The following ZNF385D variants were observed in gnomAD, a reference collection of about 807,000 sequenced individuals.
ZNF385D encodes zinc finger protein 659.
A neutral mutation model predicts 35.8 loss-of-function variants in ZNF385D; 15 were observed. That is an observed-to-expected ratio of 0.42 (90% CI 0.28 to 0.64). The LOEUF is 0.64. ZNF385D is among the 30% of genes least tolerant of loss of function. The pLI, the probability that ZNF385D is intolerant of heterozygous loss-of-function variation, is 0.23. For synonymous variants in ZNF385D, 212 were observed against 186.8 expected (o/e 1.13, Z -1.10); for missense variants, 474 against 494.6 (o/e 0.96, Z 0.39).
At chr3:22,346,001 T>G (rs1695642105) in intron 2 of ZNF385D, among the ~76,000 whole-genome samples, 1 of 152,184 alleles carries the variant, frequency 6.6e-6, no homozygotes, top group Non-Finnish European at 1.5e-5. Context: ...CCCTTCTATA[T>G]GTGTTGATCC....
intron 2 of ZNF385D, among the ~76,000 whole-genome samples, chr3:22,371,609 A>G (rs902746017): frequency 1.3e-5 from 2 of 152,214 alleles, no homozygotes; most frequent in African/African-American, 2.4e-5. Flanking sequence ...GGGTGACACC[A>G]TTTTGGAGGC....
intron 3 of ZNF385D, among the ~76,000 whole-genome samples, chr3:21,997,616 AGAG>A (rs1243477562): frequency 1.3e-5 from 2 of 151,844 alleles, no homozygotes; most frequent in African/African-American, 4.8e-5. Flanking sequence ...AAAGAGAGAG[AGAG>A]TGTAAGTGTT....
intron 1 of ZNF385D, among the ~76,000 whole-genome samples, chr3:21,708,137 T>G (rs1290525282): frequency 2.6e-5 from 4 of 152,158 alleles, no homozygotes; most frequent in Non-Finnish European, 5.9e-5. Context: ...AGGTCAAAGA[T>G]CCTAAGCATC....
At chr3:22,036,928 G>A (rs1698363010) in intron 3 of ZNF385D, among the ~76,000 whole-genome samples, 2 of 135,760 alleles carry the variant, frequency 1.5e-5, no homozygotes, top group Admixed American at 1.8e-4. Flanking sequence ...TGTTCTCATT[G>A]TTCAATTCCC....
chr3:22,369,494 T>C lies in ZNF385D; in HGVS notation c.106+2956A>G, dbSNP rs540521718. On this transcript the variant is annotated intron_variant, in intron 2 of 5. Transcript: ENST00000494108. ...ACTGCCAAAAAATAAAACAACTCTC[T>C]AGGCAAGTTATTATGAGACATGTAG... Among the ~76,000 whole-genome samples, 3 of 152,152 alleles carry C rather than the reference T, an allele frequency of 2.0e-5. 1 individual carries two copies. In the South Asian group the frequency reaches 6.2e-4, roughly 32 times the overall value.
intron 3 of ZNF385D, among the ~76,000 whole-genome samples, chr3:21,868,912 T>C (rs773848445): frequency 7.2e-4 from 110 of 152,076 alleles, no homozygotes; most frequent in Non-Finnish European, 1.2e-3. Flanking sequence ...AATTAGACCC[T>C]ATTTTCAGAG....
At chr3:21,950,224 T>C (rs1701999727) in intron 3 of ZNF385D, among the ~76,000 whole-genome samples, 1 of 151,814 alleles carries the variant, frequency 6.6e-6, no homozygotes, top group South Asian at 2.1e-4. Flanking sequence ...ATCTGTTGTT[T>C]CCTGACTTTT....
At chr3:22,230,529 C>A (rs976155687) in intron 2 of ZNF385D, among the ~76,000 whole-genome samples, 3 of 152,142 alleles carry the variant, frequency 2.0e-5, no homozygotes, top group African/African-American at 7.2e-5. Context: ...TCCCTCTATT[C>A]CAACTAGCCC....
At chr3:22,022,627 C>T (rs1359542748) in intron 3 of ZNF385D, among the ~76,000 whole-genome samples, 1 of 152,060 alleles carries the variant, frequency 6.6e-6, no homozygotes, top group Non-Finnish European at 1.5e-5. Context: ...CCGGATCCTA[C>T]CAGAAATCTA....
intron 3 of ZNF385D, among the ~76,000 whole-genome samples, chr3:21,776,170 T>G (rs1292799973): frequency 6.6e-6 from 1 of 151,960 alleles, no homozygotes; most frequent in Non-Finnish European, 1.5e-5. Flanking sequence ...TCTTTTATTT[T>G]GGACACTTAG....
In ZNF385D at chr3:21,724,477, CAAAAAAAAAAAAAAAAAAAAAAAAAA is replaced by C. The variant is rs200803155; in HGVS notation, c.22+26392_22+26417del. On this transcript the variant is annotated intron_variant, in intron 1 of 7. Coordinates refer to ENST00000281523, the MANE Select transcript of ZNF385D (RefSeq NM_024697.3). ...AATATTTACCAAGCAAATGGAAAGC[CAAAAAAAAAAAAAAAAAAAAAAAAAA>C]AAAAAAAAAAAAAAAGCAGGAGTTG... is the stretch of plus-strand genomic sequence containing the variant. 4.5e-3 allele frequency among the ~76,000 whole-genome samples: 233 copies of C among 52,024 alleles called. 2 individuals are homozygous for C. The highest frequency in any genetic ancestry group is 0.029 in the African/African-American group (183 of 6,324). 34.1% of individuals were successfully genotyped at this position (52,024 alleles called of 152,430 possible). A position where few individuals can be genotyped will look rare whatever the true frequency, so the allele number is the denominator to read the frequency against.
rs183369534 is a variant in ZNF385D, at chr3:22,076,176, C to A, written c.325+92641G>T. ...ACTTCCAGAAGAATCATTTGCAAAT[C>A]TACATCAGATCTTGTAACTCACCAA... On this transcript the variant is annotated intron_variant, in intron 3 of 5. Coordinates refer to the ZNF385D transcript ENST00000494108. 7.2e-5 allele frequency among the ~76,000 whole-genome samples: 11 copies of A among 152,012 alleles called. No individual in the cohort carries two copies. The East Asian group carries it at 2.1e-3, about 29-fold the overall frequency.
intron 2 of ZNF385D, among the ~76,000 whole-genome samples, chr3:22,187,997 C>G (rs1004052332): frequency 6.6e-6 from 1 of 152,114 alleles, no homozygotes; most frequent in African/African-American, 2.4e-5. Flanking sequence ...GTCTAGAAAT[C>G]GTGCACCCTG....
At chr3:22,135,773 A>G (rs1324726087) in intron 3 of ZNF385D, among the ~76,000 whole-genome samples, 1 of 152,214 alleles carries the variant, frequency 6.6e-6, no homozygotes, top group African/African-American at 2.4e-5. Context: ...TTTTGGTAAA[A>G]AAGTATAGAC....
chr3:21,665,068 CG>C (rs754155564), intron 1 of ZNF385D, 40 bp from the exon 2 acceptor site: 33 of 1,527,064 alleles, frequency 2.2e-5, no homozygotes, highest in Non-Finnish European at 8.8e-7. Context: ...AGGGACACCA[CG>C]CATGGAAAAA....
At chr3:22,144,302 G>A (rs1704706440) in intron 3 of ZNF385D, among the ~76,000 whole-genome samples, 2 of 152,056 alleles carry the variant, frequency 1.3e-5, no homozygotes, top group South Asian at 4.1e-4. Flanking sequence ...GGTCAGGCAT[G>A]GGAGCTCACA....
intron 2 of ZNF385D, among the ~76,000 whole-genome samples, chr3:22,172,372 C>A (rs7652109): frequency 6.6e-6 from 1 of 152,184 alleles, no homozygotes; most frequent in Non-Finnish European, 1.5e-5. Flanking sequence ...TAAGATGACT[C>A]ATTTTTAGTA....
chr3:21,447,388 T>C (rs961017116), intron 4 of ZNF385D, among the ~76,000 whole-genome samples: 1 of 152,158 alleles, frequency 6.6e-6, no homozygotes, highest in African/African-American at 2.4e-5. Context: ...CTATGAATGG[T>C]AGCACCCCTG....
intron 1 of ZNF385D, among the ~76,000 whole-genome samples, chr3:21,746,737 A>C (rs997015600): frequency 6.6e-6 from 1 of 152,238 alleles, no homozygotes; most frequent in African/African-American, 2.4e-5. Flanking sequence ...CAGATCACTC[A>C]GTACAAACTA....
Sources: gnomAD v4.1 joint callset for allele counts (sites outside exome capture counted in the v4.1 genomes callset) on GRCh38, gnomAD v4.1.1 for gene constraint, MANE v1.5 for transcripts, NCBI Gene and HGNC (gene_info 2026-07-23, HGNC 2026-07-21) for gene names.